Variants in ANO3 observed in about 807,000 individuals in gnomAD.
ANO3 encodes anoctamin-3.
A neutral mutation model predicts 144.8 loss-of-function variants in ANO3; 99 were observed. That is an observed-to-expected ratio of 0.68 (90% confidence interval 0.58 to 0.81). The LOEUF (loss-of-function observed/expected upper bound fraction) is 0.81. Ranked by LOEUF, ANO3 falls within the 30% of genes least tolerant of loss-of-function variation. The pLI is 0.00. For synonymous variants in ANO3, 414 were observed against 392.6 expected (o/e 1.05, Z -0.64); for missense variants, 905 against 1,202.2 (o/e 0.75, Z 3.66).
intron 1 of ANO3, among the ~76,000 whole-genome samples, chr11:26,190,636 C>T (rs998309551): frequency 6.6e-6 from 1 of 152,146 alleles, no homozygotes; most frequent in African/African-American, 2.4e-5. Context: ...TTAGCACATC[C>T]ATTCCATTAG....
chr11:26,643,203 C>T lies in ANO3; in HGVS notation c.2297C>T (p.Thr766Ile). The part of the protein sequence containing the change: ...LEMVLQFGFT[T>I]IFVAAFPLAP... ...GCAGTTTTGCAATTTGGTTTTACCA[C>T]CATCTTTGTTGCGGCTTTTCCTCTA... is the stretch of plus-strand genomic sequence containing the variant. Residue 766 changes from threonine (T) to isoleucine (I), a missense_variant, in exon 23 of 27, where the codon ACC becomes ATC. By Grantham distance (89) the Thr-to-Ile change is moderately conservative. Coordinates refer to ENST00000256737, the MANE Select transcript of ANO3 (RefSeq NM_031418.4). 6.2e-7 allele frequency: 1 copy of T among 1,614,062 alleles called. No individual in the cohort carries two copies. The highest frequency in any genetic ancestry group is 1.1e-5 in the South Asian group (1 of 91,064).
intron 4 of ANO3, among the ~76,000 whole-genome samples, chr11:26,483,629 G>T (rs978230471): frequency 6.6e-6 from 1 of 152,126 alleles, no homozygotes; most frequent in Non-Finnish European, 1.5e-5. Context: ...GCAGAACCAT[G>T]AGCCAATTAA....
At chr11:26,318,320 A>G (rs1854676314) in intron 1 of ANO3, among the ~76,000 whole-genome samples, 2 of 152,180 alleles carry the variant, frequency 1.3e-5, no homozygotes, top group South Asian at 4.1e-4. Context: ...GCTGAGAGAA[A>G]TACAATGTAC....
intron 1 of ANO3, among the ~76,000 whole-genome samples, chr11:26,201,109 A>G (rs915464728): frequency 1.3e-5 from 2 of 152,180 alleles, no homozygotes; most frequent in Admixed American, 6.5e-5. Flanking sequence ...CCTGAATCAC[A>G]GTTTCACCAA....
intron 4 of ANO3, among the ~76,000 whole-genome samples, chr11:26,475,427 A>T (rs1439798179): frequency 6.6e-6 from 1 of 152,002 alleles, no homozygotes; most frequent in Non-Finnish European, 1.5e-5. Context: ...TTCATAAGAC[A>T]CTTCATAGGA....
chr11:26,456,067 A>G (rs952187443), intron 3 of ANO3, among the ~76,000 whole-genome samples: 1 of 151,790 alleles, frequency 6.6e-6, no homozygotes, highest in Non-Finnish European at 1.5e-5. Context: ...TTATACAAAA[A>G]TCAATTCAAG....
chr11:26,615,225 T>C (rs1042255889), intron 17 of ANO3, among the ~76,000 whole-genome samples: 1 of 149,600 alleles, frequency 6.7e-6, no homozygotes, highest in Non-Finnish European at 1.5e-5. Context: ...ACCACCGCTA[T>C]ACAAGTAGCA....
intron 4 of ANO3, among the ~76,000 whole-genome samples, chr11:26,472,970 A>C (rs1228978021): frequency 1.3e-5 from 2 of 151,932 alleles, no homozygotes; most frequent in Non-Finnish European, 2.9e-5. Context: ...GTGGTGGTTG[A>C]CTTCTTGCAT....
chr11:26,482,997 A>G (rs1195527018), intron 4 of ANO3, among the ~76,000 whole-genome samples: 2 of 151,970 alleles, frequency 1.3e-5, no homozygotes, highest in African/African-American at 2.4e-5. Context: ...TTGATTACCT[A>G]TCTTTGCTAT....
intron 1 of ANO3, among the ~76,000 whole-genome samples, chr11:26,294,030 C>T (rs533003184): frequency 8.6e-5 from 13 of 152,002 alleles, no homozygotes; most frequent in Non-Finnish European, 1.5e-4. Context: ...TGGAAGAGTC[C>T]ACAGGAAGAT....
chr11:26,297,752 T>C (rs1455087882), intron 1 of ANO3, among the ~76,000 whole-genome samples: 1 of 152,174 alleles, frequency 6.6e-6, no homozygotes, highest in Non-Finnish European at 1.5e-5. Flanking sequence ...CAAGTTTCCT[T>C]CCAAGAACTC....
intron 1 of ANO3, among the ~76,000 whole-genome samples, chr11:26,297,021 T>C (rs1435962802): frequency 6.6e-6 from 1 of 152,148 alleles, no homozygotes; most frequent in Non-Finnish European, 1.5e-5. Context: ...CCAGGATAGC[T>C]CATTTCATAT....
intron 3 of ANO3, among the ~76,000 whole-genome samples, chr11:26,454,736 T>A (rs1336364743): frequency 1.3e-5 from 2 of 151,934 alleles, no homozygotes; most frequent in Admixed American, 6.6e-5. Flanking sequence ...GGCCAGCATC[T>A]TCCTGATACC....
At chr11:26,509,611 C>T (rs1441468459) in intron 5 of ANO3, among the ~76,000 whole-genome samples, 2 of 151,908 alleles carry the variant, frequency 1.3e-5, no homozygotes, top group South Asian at 2.1e-4. Flanking sequence ...CTGCGCCCGG[C>T]GCTACTATTG....
intron 1 of ANO3, among the ~76,000 whole-genome samples, chr11:26,256,331 C>T (rs191628035): frequency 6.6e-6 from 1 of 152,248 alleles, no homozygotes; most frequent in East Asian, 1.9e-4. Flanking sequence ...AATAAAACCC[C>T]ACTGAATACT....
chr11:26,307,999 C>A (rs1038543116), upstream of ANO3, among the ~76,000 whole-genome samples: 3 of 152,022 alleles, frequency 2.0e-5, no homozygotes, highest in African/African-American at 7.2e-5. Flanking sequence ...CCTTGGTCTA[C>A]CCAAATCCTT....
At chr11:26,489,495 C>T (rs115066578) in intron 4 of ANO3, among the ~76,000 whole-genome samples, 1,767 of 152,266 alleles carry the variant, frequency 0.012, 34 homozygotes, top group African/African-American at 0.04. Context: ...AGTGAAGCTG[C>T]GAGAAGAGGG....
intron 24 of ANO3, among the ~76,000 whole-genome samples, chr11:26,649,656 G>T (rs1398674201): frequency 6.6e-6 from 1 of 151,994 alleles, no homozygotes; most frequent in Non-Finnish European, 1.5e-5. Flanking sequence ...AGAATCGTTT[G>T]AACCCGAGAG....
chr11:26,491,749 A>C (rs1179244654), intron 4 of ANO3, among the ~76,000 whole-genome samples: 1 of 152,180 alleles, frequency 6.6e-6, no homozygotes, highest in African/African-American at 2.4e-5. Flanking sequence ...TTGAATTTTT[A>C]CCTACTTTTT....
Sources: allele counts gnomAD v4.1 joint callset (sites outside exome capture counted in the v4.1 genomes callset), GRCh38; gene constraint gnomAD v4.1.1; transcripts MANE v1.5; gene names NCBI Gene and HGNC (gene_info 2026-07-23, HGNC 2026-07-21).